Variants in ZNF337 observed in about 807,000 individuals in gnomAD.
ZNF337 encodes zinc finger protein 337.
ZNF337 carries 8 observed loss-of-function variants against 12.1 expected under a neutral mutation model. That is an observed-to-expected ratio of 0.66 (90% CI 0.39 to 1.19). The LOEUF (loss-of-function observed/expected upper bound fraction) is 1.19, where lower values mean the gene tolerates loss of function less well. Ranked by LOEUF, ZNF337 falls within the 50% of genes most tolerant of loss-of-function variation. ZNF337 has a pLI of 0.01. For missense variants in ZNF337, 882 were observed against 896.6 expected, an observed-to-expected ratio of 0.98 and a Z score of 0.21; for synonymous variants, 336 against 320.0, an observed-to-expected ratio of 1.05 and a Z score of -0.53.
intron 4 of ZNF337, among the ~76,000 whole-genome samples, chr20:25,679,090 G>A (rs967597250): frequency 6.6e-6 from 1 of 152,150 alleles, no homozygotes; most frequent in Non-Finnish European, 1.5e-5. Flanking sequence ...TCAATAAATG[G>A]TATTAGAAAA....
chr20:25,676,921 TC>T lies in ZNF337; in HGVS notation c.366del (p.Glu124LysfsTer14), dbSNP rs750278977. 1 of 1,614,200 alleles carries T rather than the reference TC, an allele frequency of 6.2e-7. No homozygotes were observed. The highest frequency in any genetic ancestry group is 1.1e-5 in the South Asian group (1 of 91,082). ...SFQSDTAEGQEKEKSTKPMAF... is the reference protein window; with the variant it reads ...SFQSDTAEGQXKEKSTKPMAF... ...GCCATGGGCTTAGTGCTTTTTTCTTTCTCTTGACCTTCAGCTGTGTCACTCT... is the reference window on the plus strand; with the variant it reads ...GCCATGGGCTTAGTGCTTTTTTCTTTTCTTGACCTTCAGCTGTGTCACTCT... On this transcript the variant is annotated frameshift_variant, in exon 5 of 5. Coordinates refer to ENST00000252979, the MANE Select transcript of ZNF337 (RefSeq NM_015655.4). LOFTEE classifies it low-confidence loss of function (END_TRUNC).
At chr20:25,694,177 C>A (rs548594159) in intron 1 of ZNF337, among the ~76,000 whole-genome samples, 2 of 152,242 alleles carry the variant, frequency 1.3e-5, no homozygotes, top group Admixed American at 1.3e-4. Flanking sequence ...CGGTTCCAGG[C>A]GTGGCACAAA....
At chr20:25,687,637 C>G (rs757318712) in intron 1 of ZNF337, among the ~76,000 whole-genome samples, 2 of 152,232 alleles carry the variant, frequency 1.3e-5, no homozygotes, top group Non-Finnish European at 2.9e-5. Flanking sequence ...AAAGGAAAAA[C>G]ATTAAGCTGA....
chr20:25,690,092 T>C (rs2065872001), intron 1 of ZNF337, among the ~76,000 whole-genome samples: 1 of 151,890 alleles, frequency 6.6e-6, no homozygotes, highest in African/African-American at 2.4e-5. Context: ...TCGGGACCAG[T>C]TTGGGCAACA....
chr20:25,674,775 T>A lies in ZNF337; in HGVS notation c.*257A>T. 1.9e-6 allele frequency: 1 copy of A among 534,942 alleles called. No individual in the cohort carries two copies. The highest frequency in any genetic ancestry group is 3.3e-6 in the Non-Finnish European group (1 of 298,902). 33.1% of individuals were successfully genotyped at this position (534,942 alleles called of 1,614,324 possible). On this transcript the variant is annotated 3_prime_UTR_variant, in exon 5 of 5. Coordinates refer to ENST00000252979, the MANE Select transcript of ZNF337 (RefSeq NM_015655.4). ...AAATACAACAAGAATATGTGCTCAG[T>A]AGGAAAGAGACCACATTTCCCCAAT...
At chr20:25,677,347 T>C (rs751260307) in intron 4 of ZNF337, 17 of 266,504 alleles carry the variant, frequency 6.4e-5, no homozygotes, top group Non-Finnish European at 1.2e-4. Context: ...GCAAAACCAA[T>C]GCAACAACAC....
chr20:25,686,585 T>C (rs2065835941), intron 1 of ZNF337, 119 bp from the exon 2 acceptor site: 1 of 732,718 alleles, frequency 1.4e-6, no homozygotes, highest in Admixed American at 3.0e-5. Flanking sequence ...ACAATTCCCC[T>C]GTGGGGATCT....
intron 4 of ZNF337, among the ~76,000 whole-genome samples, chr20:25,679,810 T>C (rs1211881672): frequency 1.3e-5 from 2 of 152,014 alleles, no homozygotes; most frequent in Non-Finnish European, 2.9e-5. Flanking sequence ...TTCATATTTA[T>C]CCAAAGAAAA....
intron 3 of ZNF337, 132 bp downstream of exon 3, chr20:25,685,864 A>T (rs1203068141): frequency 7.1e-7 from 1 of 1,412,944 alleles, no homozygotes; most frequent in Non-Finnish European, 9.6e-7. Context: ...GGCAGTCAGT[A>T]TGAAACTTTA....
At chr20:25,686,311 TAA>T in intron 2 of ZNF337, 78 bp downstream of exon 2, 1 of 1,484,664 alleles carries the variant, frequency 6.7e-7, no homozygotes, top group Non-Finnish European at 9.4e-7. Context: ...GGTCCTGTGC[TAA>T]TAATGTAACT....
At chr20:25,682,376 G>A (rs2065778032) in intron 4 of ZNF337, among the ~76,000 whole-genome samples, 1 of 152,052 alleles carries the variant, frequency 6.6e-6, no homozygotes, top group Non-Finnish European at 1.5e-5. Flanking sequence ...GTATTTAATA[G>A]TAGGCTAAAA....
intron 4 of ZNF337, among the ~76,000 whole-genome samples, chr20:25,678,827 A>G (rs1385554569): frequency 2.0e-5 from 3 of 152,114 alleles, no homozygotes; most frequent in African/African-American, 4.8e-5. Flanking sequence ...GCACATGCCT[A>G]TAGTCCTAGC....
chr20:25,674,983 C>G lies in ZNF337; in HGVS notation c.*49G>C, dbSNP rs1600426564. ...GCCTCAACTAAAGCTTGTAACAAAGCAAAGTTACTCTCCTGAGTGTGTCCT... is the reference window on the plus strand; with the variant it reads ...GCCTCAACTAAAGCTTGTAACAAAGGAAAGTTACTCTCCTGAGTGTGTCCT... On this transcript the variant is annotated 3_prime_UTR_variant, in exon 5 of 5. Coordinates refer to ENST00000252979, the MANE Select transcript of ZNF337 (RefSeq NM_015655.4). 3 of 1,545,184 alleles carry G rather than the reference C, an allele frequency of 1.9e-6. No individual in the cohort carries two copies. In the African/African-American group the frequency reaches 4.1e-5, roughly 21 times the overall value.
chr20:25,678,047 G>A (rs2065726432), intron 4 of ZNF337: 1 of 151,906 alleles, frequency 6.6e-6, no homozygotes, highest in African/African-American at 2.4e-5. Flanking sequence ...TCAGAACTAT[G>A]GTAAGAGAAA....
chr20:25,676,848 TTCCTCC>T lies in ZNF337; in HGVS notation c.434_439del (p.Arg145_Arg146del), dbSNP rs1569007418. The T allele has an allele frequency of 5.0e-6, 8 of 1,614,162 alleles. No homozygotes were observed. Among genetic ancestry groups the T allele is most frequent in the Middle Eastern group, 1.6e-4 (1 of 6,062 alleles). On this transcript the variant is annotated inframe_deletion, in exon 5 of 5. Coordinates refer to ENST00000252979, the MANE Select transcript of ZNF337 (RefSeq NM_015655.4). ...ACTAGACTCTATTTCCACTACACTG[TTCCTCC>T]TCCTTGAGCTTACTGCATGTCTTAG...
intron 1 of ZNF337, among the ~76,000 whole-genome samples, chr20:25,695,469 C>G (rs530557505): frequency 2.0e-4 from 31 of 152,326 alleles, no homozygotes; most frequent in African/African-American, 7.5e-4. Context: ...TAAAGAATCC[C>G]TAAGTGCCCC....
chr20:25,689,903 A>C (rs1243391948), intron 1 of ZNF337, among the ~76,000 whole-genome samples: 6 of 152,222 alleles, frequency 3.9e-5, no homozygotes, highest in Non-Finnish European at 7.3e-5. Context: ...TGGCTAAAAT[A>C]ATCTTATAGG....
intron 4 of ZNF337, among the ~76,000 whole-genome samples, chr20:25,680,194 G>T (rs1280905235): frequency 6.6e-6 from 1 of 152,058 alleles, no homozygotes; most frequent in Admixed American, 6.6e-5. Flanking sequence ...AATATAGTTA[G>T]AAGAAATAAG....
At chr20:25,682,033 T>C (rs530762226) in intron 4 of ZNF337, among the ~76,000 whole-genome samples, 2 of 152,246 alleles carry the variant, frequency 1.3e-5, no homozygotes, top group South Asian at 4.1e-4. Flanking sequence ...CTTTCAACTT[T>C]TTAGTATCCA....
Sources: allele counts gnomAD v4.1 joint callset (sites outside exome capture counted in the v4.1 genomes callset), GRCh38; gene constraint gnomAD v4.1.1; transcripts MANE v1.5; gene names NCBI Gene and HGNC (gene_info 2026-07-23, HGNC 2026-07-21).